Variants in LRRC4C observed in about 807,000 individuals in gnomAD.
LRRC4C encodes leucine-rich repeat-containing protein 4C.
LRRC4C carries 5 observed loss-of-function variants against 33.6 expected under a neutral mutation model. That is an observed-to-expected ratio of 0.15 (90% CI 0.08 to 0.31). LRRC4C has a LOEUF of 0.31. Ranked by LOEUF, LRRC4C falls within the 10% of genes least tolerant of loss-of-function variation. The pLI, the probability that LRRC4C is intolerant of heterozygous loss-of-function variation, is 1.00. For missense variants in LRRC4C, 560 were observed against 796.7 expected (o/e 0.70, Z 3.58); for synonymous variants, 329 against 302.0 (o/e 1.09, Z -0.93).
At chr11:41,026,503 T>C (rs182882453) in intron 1 of LRRC4C, among the ~76,000 whole-genome samples, 85 of 151,730 alleles carry the variant, frequency 5.6e-4, no homozygotes, top group African/African-American at 2.0e-3. Context: ...ACTTAGTTGA[T>C]AAAGCAGTGG....
At chr11:40,920,177 A>G (rs1957116757) in intron 2 of LRRC4C, among the ~76,000 whole-genome samples, 1 of 152,188 alleles carries the variant, frequency 6.6e-6, no homozygotes, top group Admixed American at 6.6e-5. Context: ...CCAAAAATAC[A>G]CATAACTTTC....
chr11:41,165,150 G>A (rs1403484933), intron 1 of LRRC4C, among the ~76,000 whole-genome samples: 1 of 152,090 alleles, frequency 6.6e-6, no homozygotes, highest in Admixed American at 6.6e-5. Context: ...GACCTTCGCA[G>A]CCTCCACAAT....
At chr11:40,631,537 A>T (rs1495313) in intron 3 of LRRC4C, among the ~76,000 whole-genome samples, 3 of 152,154 alleles carry the variant, frequency 2.0e-5, no homozygotes, top group African/African-American at 7.2e-5. Flanking sequence ...GTTGCTCTTT[A>T]CCCCAATACT....
At chr11:41,436,068 G>A (rs761605729) in intron 1 of LRRC4C, among the ~76,000 whole-genome samples, 6 of 152,116 alleles carry the variant, frequency 3.9e-5, no homozygotes, top group Admixed American at 1.3e-4. Flanking sequence ...GCTGGGTGTG[G>A]TGATGGACGC....
chr11:40,980,353 G>T (rs762167129), intron 1 of LRRC4C, among the ~76,000 whole-genome samples: 12 of 152,184 alleles, frequency 7.9e-5, no homozygotes, highest in Non-Finnish European at 1.8e-4. Flanking sequence ...TCCGCTTGCT[G>T]CAGAGAGCAA....
chr11:40,115,534 G>A lies in LRRC4C; in HGVS notation c.759C>T (p.Ser253=). The change falls in exon 7 of 7, where the codon TCC becomes TCT. Residue 253 remains serine, a synonymous_variant. Transcript: ENST00000528697. The surrounding 1 kb of genome is among the most constrained non-coding windows in gnomAD (Gnocchi z 6.7). ...CATTCCGTTCAATCACTTGAATCTG[G>A]GACTGTATCATCCACAGTTTTTGAA... ...MHLQKLWMIQ[S]QIQVIERNAF... 6.2e-7 allele frequency: 1 copy of A among 1,614,152 alleles called. No homozygotes were observed. Among genetic ancestry groups the A allele is most frequent in the Non-Finnish European group, 8.5e-7 (1 of 1,180,032 alleles).
At chr11:40,899,954 A>G (rs962758370) in intron 2 of LRRC4C, among the ~76,000 whole-genome samples, 3 of 152,180 alleles carry the variant, frequency 2.0e-5, no homozygotes, top group Non-Finnish European at 4.4e-5. Context: ...CCTTAAGACT[A>G]TGTAAATATC....
At chr11:41,272,189 T>A (rs1264583213) in intron 1 of LRRC4C, among the ~76,000 whole-genome samples, 1 of 152,110 alleles carries the variant, frequency 6.6e-6, no homozygotes, top group Non-Finnish European at 1.5e-5. Flanking sequence ...TGTTTTCAAA[T>A]GGAATAATAG....
rs1944046062 is a variant in LRRC4C, at chr11:40,670,696, C to T, written c.-406-22418G>A. Among the ~76,000 whole-genome samples the T allele has an allele frequency of 2.0e-5, 3 of 152,170 alleles. 1 individual carries two copies. In the East Asian group the frequency reaches 5.8e-4, roughly 29 times the overall value. ...ATTAGTCAGTTTGGCCACTTACCTC[C>T]TGAACTTCAGTTATGAATTTAGGAT... is the stretch of plus-strand genomic sequence containing the variant. On this transcript the variant is annotated intron_variant, in intron 2 of 6. Coordinates refer to ENST00000528697, the MANE Select transcript of LRRC4C (RefSeq NM_001258419.2).
At chr11:40,968,282 A>G (rs972755944) in intron 1 of LRRC4C, among the ~76,000 whole-genome samples, 1 of 152,130 alleles carries the variant, frequency 6.6e-6, no homozygotes, top group Admixed American at 6.6e-5. Flanking sequence ...GAAAAATAGG[A>G]AGCTAGCAGA....
chr11:40,877,064 G>A (rs531156568), intron 2 of LRRC4C, among the ~76,000 whole-genome samples: 46 of 152,066 alleles, frequency 3.0e-4, no homozygotes, highest in African/African-American at 1.1e-3. Flanking sequence ...CAGATGTAAG[G>A]GCATGTACTT....
At chr11:41,344,322 G>A (rs1951734973) in intron 1 of LRRC4C, among the ~76,000 whole-genome samples, 1 of 148,404 alleles carries the variant, frequency 6.7e-6, no homozygotes, top group Non-Finnish European at 1.5e-5. Context: ...CCGGGTTCAT[G>A]CCATTCTCCT....
At chr11:40,329,669 A>G (rs1289889557) in intron 3 of LRRC4C, among the ~76,000 whole-genome samples, 2 of 152,048 alleles carry the variant, frequency 1.3e-5, no homozygotes, top group African/African-American at 4.8e-5. Context: ...TAATCAGTTT[A>G]TAATTATTTG....
At chr11:40,733,059 T>C (rs907975173) in intron 2 of LRRC4C, among the ~76,000 whole-genome samples, 5 of 127,472 alleles carry the variant, frequency 3.9e-5, no homozygotes, top group African/African-American at 1.5e-4. Flanking sequence ...GTTATGAATA[T>C]AGTTTTTTTT....
chr11:40,851,799 A>G lies in LRRC4C; in HGVS notation c.-407+81836T>C, dbSNP rs371284773. 1.8e-4 allele frequency among the ~76,000 whole-genome samples: 28 copies of G among 152,216 alleles called. No homozygotes were observed. The South Asian group carries it at 5.2e-3, about 28-fold the overall frequency. ...ATAAATAAATAAATAATAAAAAAGT[A>G]TATGCTTAAATAAGTGGATTGTCCT... On this transcript the variant is annotated intron_variant, in intron 2 of 6. Transcript: ENST00000528697.
At chr11:41,415,281 G>A (rs1023039113) in intron 1 of LRRC4C, among the ~76,000 whole-genome samples, 3 of 152,202 alleles carry the variant, frequency 2.0e-5, no homozygotes, top group Non-Finnish European at 4.4e-5. Context: ...AGTTATGGAC[G>A]GGTGTTATCA....
chr11:40,617,264 A>G (rs1158390398), intron 3 of LRRC4C, among the ~76,000 whole-genome samples: 1 of 151,784 alleles, frequency 6.6e-6, no homozygotes, highest in Non-Finnish European at 1.5e-5. Flanking sequence ...ATTTTATCTT[A>G]AGATAGCAAA....
At chr11:40,416,844 C>A (rs1319671424) in intron 3 of LRRC4C, among the ~76,000 whole-genome samples, 1 of 152,176 alleles carries the variant, frequency 6.6e-6, no homozygotes, top group African/African-American at 2.4e-5. Context: ...AAGGAATCTG[C>A]TTAATGTGCT....
intron 3 of LRRC4C, among the ~76,000 whole-genome samples, chr11:40,337,833 C>G (rs568767115): frequency 3.3e-5 from 5 of 152,214 alleles, no homozygotes; most frequent in Non-Finnish European, 5.9e-5. Flanking sequence ...TCATTCTTCC[C>G]CTTCTCCACC....
Sources: gnomAD v4.1 joint callset for allele counts (sites outside exome capture counted in the v4.1 genomes callset) on GRCh38, gnomAD v4.1.1 for gene constraint, Gnocchi (gnomAD v3.1) non-coding constraint, MANE v1.5 for transcripts, NCBI Gene and HGNC (gene_info 2026-07-23, HGNC 2026-07-21) for gene names.